The following DIP2B variants were observed in gnomAD, a reference collection of about 807,000 sequenced individuals.
DIP2B encodes the protein DIP2 acetate--CoA ligase B (putative), also known as disco-interacting protein 2 homolog B.
A neutral mutation model predicts 198.0 loss-of-function variants in DIP2B; 76 were observed. The observed-to-expected ratio is 0.38, with a 90% CI of 0.32 to 0.46. The LOEUF is 0.46. Ranked by LOEUF, DIP2B falls within the 20% of genes least tolerant of loss-of-function variation. The pLI, the probability that DIP2B is intolerant of heterozygous loss-of-function variation, is 0.99. For synonymous variants in DIP2B, 701 were observed against 739.1 expected, an observed-to-expected ratio of 0.95 and a Z score of 0.84; for missense variants, 1,559 against 1,978.4, an observed-to-expected ratio of 0.79 and a Z score of 4.02.
chr12:50,526,218 A>C (rs986559228), intron 1 of DIP2B, among the ~76,000 whole-genome samples: 4 of 152,204 alleles, frequency 2.6e-5, no homozygotes, highest in African/African-American at 7.2e-5. Flanking sequence ...AGAGTAAAGA[A>C]GTGTAGGCTC....
intron 4 of DIP2B, among the ~76,000 whole-genome samples, chr12:50,661,256 C>A (rs529703150): frequency 6.6e-6 from 1 of 152,056 alleles, no homozygotes; most frequent in African/African-American, 2.4e-5. Flanking sequence ...GTAATGAAAT[C>A]TTTGAGAACA....
At position 50,692,949 on chromosome 12, in the gene DIP2B, G is replaced by C. The variant is rs377401650; in HGVS notation, c.1655G>C (p.Gly552Ala). 6 of 1,606,074 alleles carry C rather than the reference G, an allele frequency of 3.7e-6. No individual in the cohort carries two copies. The African/African-American group carries it at 8.1e-5, about 22-fold the overall frequency. Reference protein sequence around the residue: ...ALSQACNYSEGETIVNVLDFK... With the variant: ...ALSQACNYSEAETIVNVLDFK... ...TGTCTTCCTATTTTTTCTATTTTAG[G>C]GGAAACAATAGTAAATGTCTTAGAC... Residue 552 changes from glycine (G) to alanine (A), a missense_variant and splice_region_variant, in exon 14 of 38, where the codon GGG becomes GCG. By Grantham distance (60) the Gly-to-Ala change is moderately conservative (BLOSUM62 0). Transcript: ENST00000301180.
At chr12:50,678,966 G>A in intron 8 of DIP2B, 90 bp downstream of exon 8, 1 of 1,401,342 alleles carries the variant, frequency 7.1e-7, no homozygotes. Context: ...AGCAGTTGCT[G>A]GCCATTATGT....
chr12:50,547,093 G>A (rs1958384349), intron 1 of DIP2B, among the ~76,000 whole-genome samples: 1 of 151,900 alleles, frequency 6.6e-6, no homozygotes, highest in Non-Finnish European at 1.5e-5. Context: ...TTCTTTCCTT[G>A]GCTTCAGTGA....
chr12:50,576,578 A>G (rs759475575), intron 1 of DIP2B, among the ~76,000 whole-genome samples: 6 of 151,220 alleles, frequency 4.0e-5, no homozygotes, highest in Non-Finnish European at 7.4e-5. Flanking sequence ...TCCCAGGTTC[A>G]TGCCATTCTC....
At chr12:50,669,582 G>A (rs561890388) in intron 4 of DIP2B, among the ~76,000 whole-genome samples, 5 of 152,114 alleles carry the variant, frequency 3.3e-5, no homozygotes, top group Non-Finnish European at 7.4e-5. Flanking sequence ...GCACCACCAT[G>A]CCTGGCTAAT....
At chr12:50,735,742 G>T (rs1940127648) in intron 34 of DIP2B, among the ~76,000 whole-genome samples, 1 of 152,180 alleles carries the variant, frequency 6.6e-6, no homozygotes. Flanking sequence ...GGGATTACAG[G>T]CATGAGCCAC....
intron 1 of DIP2B, among the ~76,000 whole-genome samples, chr12:50,623,427 ACACACACACACTCTCTCT>A (rs1428729515): frequency 1.1e-3 from 52 of 48,986 alleles, no homozygotes; most frequent in African/African-American, 3.8e-3. Flanking sequence ...ACACACACAC[ACACACACACACTCTCTCT>A]CTCTCTCTCT....
intron 1 of DIP2B, among the ~76,000 whole-genome samples, chr12:50,556,467 G>C (rs1030711946): frequency 6.6e-6 from 1 of 151,996 alleles, no homozygotes; most frequent in Middle Eastern, 3.2e-3. Context: ...TACTTTTTAA[G>C]TAAAATAAAT....
chr12:50,682,628 C>CAAAA (rs58672851), intron 9 of DIP2B, among the ~76,000 whole-genome samples: 29 of 42,066 alleles, frequency 6.9e-4, no homozygotes, highest in African/African-American at 2.1e-3. Flanking sequence ...GACTCTGTCT[C>CAAAA]AAAAAAAAAA....
intron 1 of DIP2B, among the ~76,000 whole-genome samples, chr12:50,567,484 TTTA>T (rs1958576097): frequency 6.6e-6 from 1 of 152,204 alleles, no homozygotes; most frequent in Admixed American, 6.6e-5. Context: ...TTTCAGAGTG[TTTA>T]CCTTTACCTC....
intron 5 of DIP2B, among the ~76,000 whole-genome samples, chr12:50,673,983 G>A (rs1187608986): frequency 6.6e-6 from 1 of 152,006 alleles, no homozygotes; most frequent in East Asian, 1.9e-4. Flanking sequence ...TTTTCATCTG[G>A]AAACTTGTGC....
intron 1 of DIP2B, among the ~76,000 whole-genome samples, chr12:50,529,845 C>T (rs1958199865): frequency 6.6e-6 from 1 of 151,196 alleles, no homozygotes; most frequent in Admixed American, 6.6e-5. Flanking sequence ...GGTGACAGAG[C>T]GAGCCTCTGT....
intron 1 of DIP2B, among the ~76,000 whole-genome samples, chr12:50,593,742 T>C (rs867737388): frequency 0.045 from 68 of 1,516 alleles, 1 homozygote; most frequent in East Asian, 0.23. Flanking sequence ...TCTCCTCTCC[T>C]CTCCCCTCCC....
intron 1 of DIP2B, among the ~76,000 whole-genome samples, chr12:50,542,679 A>G (rs1014606224): frequency 1.3e-5 from 2 of 152,202 alleles, no homozygotes; most frequent in African/African-American, 4.8e-5. Flanking sequence ...TTAGTATGTC[A>G]TATGTGTGTT....
chr12:50,672,843 C>A (rs760747826), intron 5 of DIP2B, among the ~76,000 whole-genome samples: 3 of 152,074 alleles, frequency 2.0e-5, no homozygotes, highest in Non-Finnish European at 2.9e-5. Flanking sequence ...ATGAACTGTC[C>A]TAAACATAAT....
chr12:50,544,632 T>C (rs975022348), intron 1 of DIP2B, among the ~76,000 whole-genome samples: 8 of 147,688 alleles, frequency 5.4e-5, no homozygotes, highest in African/African-American at 1.0e-4. Context: ...TTCTTTTTTT[T>C]TTTTTTTTTG....
chr12:50,740,376 G>A lies in DIP2B; in HGVS notation c.4354+790G>A, dbSNP rs1391308436. Among the ~76,000 whole-genome samples, 5 of 152,320 alleles carry A rather than the reference G, an allele frequency of 3.3e-5. 1 individual carries two copies. The highest frequency in any genetic ancestry group is 3.3e-4 in the Admixed American group (5 of 15,296). On this transcript the variant is annotated intron_variant, in intron 36 of 37. Transcript: ENST00000301180. ...GCAGCCCACCTCTGCCACTTGCTGG[G>A]TGACCTTGAGCAATCACTTAGCCTC...
chr12:50,671,506 AAGAATT>A lies in DIP2B; in HGVS notation c.640+112_640+117del. The A allele has an allele frequency of 2.8e-6, 3 of 1,082,300 alleles. No homozygotes were observed. The South Asian group carries it at 4.7e-5, about 17-fold the overall frequency. The allele number at this position is 1,082,300 out of a possible 1,614,324, so 67.0% of individuals were successfully genotyped here. A position where few individuals can be genotyped will look rare whatever the true frequency, so the allele number is the denominator to read the frequency against. The stretch of plus-strand genomic sequence containing the variant: ...AGGTTTTTCAGTATGGCCTAAAAAA[AAGAATT>A]AGAGAAAACATGACAGTTAATGAGG... On this transcript the variant is annotated intron_variant, in intron 5 of 37. Transcript: ENST00000301180.
Sources: allele counts gnomAD v4.1 joint callset (sites outside exome capture counted in the v4.1 genomes callset), GRCh38; gene constraint gnomAD v4.1.1; transcripts MANE v1.5; gene names NCBI Gene and HGNC (gene_info 2026-07-23, HGNC 2026-07-21).